USP20: variants seen among roughly 807,000 people sequenced by gnomAD.
The protein encoded by USP20 is ubiquitin carboxyl-terminal hydrolase 20.
Under a neutral mutation model 124.2 loss-of-function variants are expected in USP20, and 80 were observed. That is an observed-to-expected ratio of 0.64 (90% CI 0.54 to 0.78). USP20 has a LOEUF of 0.78. Among genes scored for constraint, USP20 ranks in the 30% least tolerant of loss-of-function variants. USP20 has a pLI of 0.00. For synonymous variants in USP20, 481 were observed against 512.3 expected (o/e 0.94, Z 0.83); for missense variants, 1,043 against 1,244.4 (o/e 0.84, Z 2.44).
chr9:129,875,519 T>C, intron 20 of USP20, 40 bp downstream of exon 20: 3 of 1,613,376 alleles, frequency 1.9e-6, no homozygotes, highest in Non-Finnish European at 2.5e-6. Context: ...GGTGGGCAGC[T>C]GGGCCGAGCC....
In USP20 at chr9:129,880,020, C is replaced by T. The variant is rs1014772738; in HGVS notation, c.2585-93C>T. On this transcript the variant is annotated intron_variant, in intron 24 of 25. Transcript: ENST00000372429. ...AGCCCTGGTTGCCGTCTTCCCGCTT[C>T]GGGGCCTGGCCCTGCGGAGCCCCCA... 50 of 1,479,874 alleles carry T rather than the reference C, an allele frequency of 3.4e-5. No individual in the cohort carries two copies. In the African/African-American group the frequency reaches 4.2e-4, roughly 12 times the overall value. 91.7% of individuals were successfully genotyped at this position (1,479,874 alleles called of 1,614,324 possible). A position where few individuals can be genotyped will look rare whatever the true frequency, so the allele number is the denominator to read the frequency against.
intron 2 of USP20, among the ~76,000 whole-genome samples, chr9:129,850,601 C>A (rs954027122): frequency 6.6e-6 from 1 of 152,084 alleles, no homozygotes; most frequent in Non-Finnish European, 1.5e-5. Flanking sequence ...GGGGGTCCAC[C>A]TCTCAGATCA....
At chr9:129,875,858 T>A (rs144235655) in intron 21 of USP20, among the ~76,000 whole-genome samples, 1 of 6,936 alleles carries the variant, frequency 1.4e-4, no homozygotes, top group African/African-American at 2.6e-4. Context: ...GACAGGAAAC[T>A]GGCTGAAGCA....
Position 129,874,598 on chromosome 9 carries a change from G to C in USP20, c.1763G>C (p.Arg588Pro). ...CAGATCCTGTGCATTCACCTAAAGC[G>C]CTTTCGGCACGAGGTGATGTACTCA... ...LPEILCIHLK[R>P]FRHEVMYSFK... The change falls in exon 18 of 26, where the codon CGC becomes CCC. Residue 588 changes from arginine (R) to proline (P), a missense_variant. Arg to Pro is a moderately radical substitution (Grantham distance 103). Coordinates refer to ENST00000372429, the MANE Select transcript of USP20 (RefSeq NM_001110303.4). 1 of 1,613,726 alleles carries C rather than the reference G, an allele frequency of 6.2e-7. No individual in the cohort carries two copies. Among genetic ancestry groups the C allele is most frequent in the Non-Finnish European group, 8.5e-7 (1 of 1,180,012 alleles).
chr9:129,864,826 A>G (rs982949161), intron 9 of USP20, among the ~76,000 whole-genome samples: 2 of 151,458 alleles, frequency 1.3e-5, no homozygotes, highest in African/African-American at 4.9e-5. Context: ...CGCTTGTGTA[A>G]GAAGCCAAGT....
chr9:129,866,679 G>A (rs536409970), intron 10 of USP20, among the ~76,000 whole-genome samples: 82 of 152,326 alleles, frequency 5.4e-4, no homozygotes, highest in Admixed American at 9.8e-4. Flanking sequence ...TTAGGATATC[G>A]TGTGGGGACA....
intron 1 of USP20, among the ~76,000 whole-genome samples, chr9:129,840,932 G>A (rs889162007): frequency 3.7e-4 from 56 of 151,878 alleles, no homozygotes; most frequent in African/African-American, 1.3e-3. Context: ...AACCATGCCC[G>A]GCTAATTTTT....
At chr9:129,853,782 CA>C (rs1010460891) in intron 3 of USP20, among the ~76,000 whole-genome samples, 9 of 152,098 alleles carry the variant, frequency 5.9e-5, no homozygotes, top group African/African-American at 2.2e-4. Context: ...AATCTGAGAG[CA>C]GGGGGGGGAT....
In USP20 at chr9:129,880,300, C is replaced by T. The variant is rs1372931873; in HGVS notation, c.*16+11C>T. The T allele has an allele frequency of 6.4e-7, 1 of 1,554,304 alleles. No individual in the cohort carries two copies. Among genetic ancestry groups the T allele is most frequent in the East Asian group, 2.4e-5 (1 of 42,102 alleles). On this transcript the variant is annotated intron_variant, in intron 25 of 25. Transcript: ENST00000372429. ...CTGCTGGGCTAGTCTGTAAGTCGCC[C>T]CGGCTGGTCCCTCCATGGCACTCTG...
chr9:129,870,223 C>T lies in USP20; in HGVS notation c.1566-230C>T. ...CAGGGAGGGGGTAGCATGATCATGGCCGCAACACAGATGAAGGAGGCCAGG... is the reference window on the plus strand; with the variant it reads ...CAGGGAGGGGGTAGCATGATCATGGTCGCAACACAGATGAAGGAGGCCAGG... On this transcript the variant is annotated intron_variant, in intron 14 of 25. Coordinates refer to ENST00000372429, the MANE Select transcript of USP20 (RefSeq NM_001110303.4). 3 of 583,392 alleles carry T rather than the reference C, an allele frequency of 5.1e-6. No homozygotes were observed. In the South Asian group the frequency reaches 6.3e-5, roughly 12 times the overall value. The allele number at this position is 583,392 out of a possible 1,614,324, so 36.1% of individuals were successfully genotyped here. A position where few individuals can be genotyped will look rare whatever the true frequency, so the allele number is the denominator to read the frequency against.
At chr9:129,859,288 T>TTATTTATTTTATTTTATTTA (rs1344090444) in intron 6 of USP20, among the ~76,000 whole-genome samples, 4 of 139,410 alleles carry the variant, frequency 2.9e-5, no homozygotes, top group Non-Finnish European at 4.7e-5. Flanking sequence ...TATTTTAATT[T>TTATTTATTTTATTTTATTTA]TTTGAGACCG....
intron 14 of USP20, 135 bp from the exon 15 acceptor site, chr9:129,870,318 G>A (rs986833318): frequency 2.0e-5 from 18 of 888,996 alleles, no homozygotes; most frequent in South Asian, 1.3e-4. Context: ...GCCCCGACCC[G>A]CCGTGCCCGG....
chr9:129,870,730 T>C (rs10118489), intron 15 of USP20, among the ~76,000 whole-genome samples, 183 bp downstream of exon 15: 129,887 of 152,346 alleles, frequency 0.85, 56,238 homozygotes, highest in East Asian at 1. Context: ...ACCAGGGCCA[T>C]GTGCTATCCC....
chr9:129,844,297 C>T (rs968626904), intron 1 of USP20, among the ~76,000 whole-genome samples: 15 of 152,080 alleles, frequency 9.9e-5, no homozygotes, highest in African/African-American at 3.6e-4. Context: ...AAGCTGTATA[C>T]AAATTTATTG....
At chr9:129,845,486 A>C (rs910873127) in intron 1 of USP20, among the ~76,000 whole-genome samples, 3 of 152,166 alleles carry the variant, frequency 2.0e-5, no homozygotes, top group African/African-American at 7.2e-5. Flanking sequence ...CTCTCTCTCT[A>C]GTGAGAGAGG....
chr9:129,851,651 C>T (rs977732746), intron 2 of USP20, among the ~76,000 whole-genome samples: 1 of 152,156 alleles, frequency 6.6e-6, no homozygotes, highest in African/African-American at 2.4e-5. Flanking sequence ...AGACAGATAT[C>T]TTTTTATACC....
chr9:129,858,189 C>A, intron 5 of USP20, 77 bp downstream of exon 5: 1 of 1,466,912 alleles, frequency 6.8e-7, no homozygotes, highest in Non-Finnish European at 9.5e-7. Context: ...CCTTCCCACT[C>A]TGGGCCTAAA....
At chr9:129,871,554 C>T (rs1429126906) in intron 15 of USP20, among the ~76,000 whole-genome samples, 1 of 152,180 alleles carries the variant, frequency 6.6e-6, no homozygotes, top group Non-Finnish European at 1.5e-5. Flanking sequence ...GAGGAGCCAC[C>T]GTACTGGGTT....
At chr9:129,863,430 T>C in intron 9 of USP20, 131 bp downstream of exon 9, 4 of 665,814 alleles carry the variant, frequency 6.0e-6, no homozygotes, top group Non-Finnish European at 7.5e-6. Flanking sequence ...GGGTAATGCT[T>C]GCAGCAAGCC....
Sources: allele counts gnomAD v4.1 joint callset (sites outside exome capture counted in the v4.1 genomes callset), GRCh38; gene constraint gnomAD v4.1.1; transcripts MANE v1.5; gene names NCBI Gene and HGNC (gene_info 2026-07-23, HGNC 2026-07-21).